Variants in ANOS1 observed in about 807,000 individuals in gnomAD.
The protein encoded by ANOS1 is anosmin 1.
ANOS1 carries 6 observed loss-of-function variants against 59.0 expected under a neutral mutation model. The ratio of observed to expected loss-of-function variants is 0.10; its 90% CI spans 0.06 to 0.20. The LOEUF (loss-of-function observed/expected upper bound fraction) is 0.20. ANOS1 is among the 10% of genes least tolerant of loss of function. ANOS1 has a pLI of 1.00. For missense variants in ANOS1, 433 were observed against 542.3 expected, an observed-to-expected ratio of 0.80 and a Z score of 2.00; for synonymous variants, 217 against 223.4, an observed-to-expected ratio of 0.97 and a Z score of 0.25.
intron 2 of ANOS1, among the ~76,000 whole-genome samples, chrX:8,670,016 A>G (rs1602016348): frequency 8.9e-6 from 1 of 111,964 alleles, no homozygotes; most frequent in African/African-American, 3.2e-5. Flanking sequence ...ATGAGAGAAA[A>G]GTAGAGAAAA....
At chrX:8,718,982 A>T (rs959671588) in intron 1 of ANOS1, among the ~76,000 whole-genome samples, 1 of 112,142 alleles carries the variant, frequency 8.9e-6, no homozygotes, top group Non-Finnish European at 1.9e-5. Context: ...TTCTATTATC[A>T]CTATTCGTTA....
At chrX:8,666,580 T>C (rs1306304085) in intron 2 of ANOS1, among the ~76,000 whole-genome samples, 1 of 112,027 alleles carries the variant, frequency 8.9e-6, no homozygotes, top group Non-Finnish European at 1.9e-5. Context: ...ATCTTCTTAG[T>C]TGGTTACAAT....
At chrX:8,580,533 G>A (rs2146813986) in intron 6 of ANOS1, among the ~76,000 whole-genome samples, 1 of 111,951 alleles carries the variant, frequency 8.9e-6, no homozygotes, top group African/African-American at 3.2e-5. Flanking sequence ...AATAGTTAAT[G>A]TTGAGTTAGG....
At chrX:8,558,989 CTCTT>C (rs1335948778) in intron 8 of ANOS1, among the ~76,000 whole-genome samples, 5 of 112,506 alleles carry the variant, frequency 4.4e-5, no homozygotes, top group Non-Finnish European at 9.4e-5. Context: ...CAGTAATTAG[CTCTT>C]TCTGTCAGCA....
chrX:8,720,099 G>A lies in ANOS1; in HGVS notation c.207+11731C>T, dbSNP rs370294258. ...AACTTTTATATTTTGCAGAGATGCCGGAAAGAATTATAAAGTGTAAACACA... is the reference window on the plus strand; with the variant it reads ...AACTTTTATATTTTGCAGAGATGCCAGAAAGAATTATAAAGTGTAAACACA... On this transcript the variant is annotated intron_variant, in intron 1 of 13. Coordinates refer to ENST00000262648, the MANE Select transcript of ANOS1 (RefSeq NM_000216.4). Among the ~76,000 whole-genome samples the A allele has an allele frequency of 9.0e-5, 10 of 111,423 alleles. No individual in the cohort carries two copies. In the East Asian group the frequency reaches 1.1e-3, roughly 13 times the overall value.
At chrX:8,629,249 A>G (rs2146850652) in intron 2 of ANOS1, among the ~76,000 whole-genome samples, 1 of 110,800 alleles carries the variant, frequency 9.0e-6, no homozygotes, top group South Asian at 3.8e-4. Flanking sequence ...CTCAAAAAAG[A>G]AAAAAAAATT....
In ANOS1 at chrX:8,685,586, GAGAAAGAAAGGA is replaced by G. The variant is rs1260538061; in HGVS notation, c.255+14100_255+14111del. Among the ~76,000 whole-genome samples the G allele has an allele frequency of 8.2e-5, 5 of 60,792 alleles. No individual in the cohort carries two copies. The Admixed American group carries it at 8.6e-4, about 10-fold the overall frequency. The allele number at this position is 60,792 out of a possible 115,157, so 52.8% of individuals were successfully genotyped here. On this transcript the variant is annotated intron_variant, in intron 2 of 13. Coordinates refer to ENST00000262648, the MANE Select transcript of ANOS1 (RefSeq NM_000216.4). ...GGAAGGAAGGAAGGAAGGAAAGAAAGAGAAAGAAAGGAAGAAAGAAAGAAAGAAAGAAAGAAA... is the reference window on the plus strand; with the variant it reads ...GGAAGGAAGGAAGGAAGGAAAGAAAGAGAAAGAAAGAAAGAAAGAAAGAAA...
chrX:8,623,822 T>C (rs1931340013), intron 2 of ANOS1, 152 bp from the exon 3 acceptor site: 3 of 484,378 alleles, frequency 6.2e-6, no homozygotes, highest in Non-Finnish European at 1.0e-5. Flanking sequence ...TTTAACTGGG[T>C]ATAACACGAA....
At chrX:8,668,967 T>G (rs2146879153) in intron 2 of ANOS1, among the ~76,000 whole-genome samples, 1 of 112,138 alleles carries the variant, frequency 8.9e-6, no homozygotes, top group South Asian at 3.7e-4. Context: ...CTCTCCTTTT[T>G]AACTTCCTCC....
chrX:8,720,597 C>A (rs936966215), intron 1 of ANOS1, among the ~76,000 whole-genome samples: 1 of 111,620 alleles, frequency 9.0e-6, no homozygotes, highest in South Asian at 3.7e-4. Context: ...TTGTCCTTCT[C>A]TCCAGTAGAA....
intron 1 of ANOS1, among the ~76,000 whole-genome samples, chrX:8,717,256 T>C (rs1178276067): frequency 8.9e-6 from 1 of 112,124 alleles, no homozygotes; most frequent in Non-Finnish European, 1.9e-5. Context: ...TGAACTAGAG[T>C]ATGCAAATCT....
intron 10 of ANOS1, among the ~76,000 whole-genome samples, chrX:8,538,006 C>T (rs1225462687): frequency 9.0e-6 from 1 of 110,925 alleles, no homozygotes; most frequent in Non-Finnish European, 1.9e-5. Flanking sequence ...CGGGAGTGAC[C>T]TCCAGGTGTG....
chrX:8,551,032 T>C (rs1351915428), intron 9 of ANOS1, among the ~76,000 whole-genome samples: 3 of 111,411 alleles, frequency 2.7e-5, no homozygotes, highest in African/African-American at 9.8e-5. Context: ...ATTGCAGTTC[T>C]CCTGGACATG....
At position 8,575,399 on chromosome X, in the gene ANOS1, A is replaced by G. The variant is rs527293767; in HGVS notation, c.857-4695T>C. 4.5e-5 allele frequency among the ~76,000 whole-genome samples: 5 copies of G among 112,261 alleles called. No homozygotes were observed. The South Asian group carries it at 1.9e-3, about 42-fold the overall frequency. On this transcript the variant is annotated intron_variant, in intron 6 of 13. Coordinates refer to ENST00000262648, the MANE Select transcript of ANOS1 (RefSeq NM_000216.4). ...CCTGAATGTCTATATGCTGAAAATA[A>G]GTAGTCACATGAATATTGCAGATAT... is the stretch of plus-strand genomic sequence containing the variant.
intron 6 of ANOS1, among the ~76,000 whole-genome samples, chrX:8,573,397 A>G (rs745473355): frequency 2.7e-5 from 3 of 110,383 alleles, no homozygotes; most frequent in Non-Finnish European, 5.7e-5. Flanking sequence ...AACAGAAGCT[A>G]TTTTTCAGCC....
intron 2 of ANOS1, among the ~76,000 whole-genome samples, chrX:8,678,905 A>G (rs907295144): frequency 1.8e-5 from 2 of 111,870 alleles, no homozygotes; most frequent in Non-Finnish European, 3.8e-5. Context: ...AGACAGACAC[A>G]TAAACAAGTT....
At chrX:8,648,290 G>C (rs1254121295) in intron 2 of ANOS1, among the ~76,000 whole-genome samples, 1 of 110,425 alleles carries the variant, frequency 9.1e-6, no homozygotes. Context: ...GTGAAACCCA[G>C]TCTGTACTAA....
At chrX:8,572,861 T>C (rs978641708) in intron 6 of ANOS1, among the ~76,000 whole-genome samples, 4 of 110,830 alleles carry the variant, frequency 3.6e-5, no homozygotes, top group Non-Finnish European at 7.5e-5. Context: ...GTGGCTCCTA[T>C]GAGGTCTGAA....
chrX:8,724,854 G>A (rs1052525797), intron 1 of ANOS1, among the ~76,000 whole-genome samples: 1 of 111,959 alleles, frequency 8.9e-6, no homozygotes, highest in Non-Finnish European at 1.9e-5. Context: ...TGGTCATGGG[G>A]GCAACCTAAT....
Sources: allele counts gnomAD v4.1 joint callset (sites outside exome capture counted in the v4.1 genomes callset), GRCh38; gene constraint gnomAD v4.1.1; transcripts MANE v1.5; gene names NCBI Gene and HGNC (gene_info 2026-07-23, HGNC 2026-07-21).